The following BACE1 variants were observed in gnomAD, a reference collection of about 807,000 sequenced individuals.
BACE1 encodes the protein beta-secretase 1, also known as APP beta-secretase.
A neutral mutation model predicts 54.0 loss-of-function variants in BACE1; 21 were observed. The ratio of observed to expected loss-of-function variants is 0.39; its 90% CI spans 0.28 to 0.56. BACE1 has a LOEUF of 0.56. BACE1 is among the 20% of genes least tolerant of loss of function. The pLI, the probability that BACE1 is intolerant of heterozygous loss-of-function variation, is 0.63. For missense variants in BACE1, 511 were observed against 661.2 expected (o/e 0.77, Z 2.49); for synonymous variants, 232 against 260.9 (o/e 0.89, Z 1.07).
intron 1 of BACE1, among the ~76,000 whole-genome samples, chr11:117,300,729 A>C (rs2034706720): frequency 6.8e-6 from 1 of 148,100 alleles, no homozygotes. Context: ...TGGGGAGTCA[A>C]GTCCCTCCTC....
chr11:117,293,861 A>T lies in BACE1; in HGVS notation c.705+10T>A. 1 of 1,609,348 alleles carries T rather than the reference A, an allele frequency of 6.2e-7. No individual in the cohort carries two copies. The highest frequency in any genetic ancestry group is 8.5e-7 in the Non-Finnish European group (1 of 1,178,174). On this transcript the variant is annotated intron_variant, in intron 4 of 8. Coordinates refer to ENST00000313005, the MANE Select transcript of BACE1 (RefSeq NM_012104.6). This position sits in a 1 kb window ranked among gnomAD's most constrained non-coding sequence, Gnocchi z 4.1. ...ATGCCAGGACCTCCCCTCTCTGAGGACCTACTCACCATGCTCCCTCCGACA... is the reference window on the plus strand; with the variant it reads ...ATGCCAGGACCTCCCCTCTCTGAGGTCCTACTCACCATGCTCCCTCCGACA...
rs563651141 is a variant in BACE1 at position 117,298,935 on chromosome 11, A to G, written c.262-1974T>C. On this transcript the variant is annotated intron_variant, in intron 1 of 8. Transcript: ENST00000313005. ...ATTCTCCTGTCTCAGTCTCCTGAGT[A>G]GCTGGGATTACAAGTGTGCGCTACC... Among the ~76,000 whole-genome samples the G allele has an allele frequency of 1.7e-4, 26 of 152,232 alleles. 2 individuals are homozygous for G. The highest frequency in any genetic ancestry group is 6.3e-4 in the African/African-American group (26 of 41,546).
intron 1 of BACE1, among the ~76,000 whole-genome samples, chr11:117,302,206 A>G (rs2034740469): frequency 1.3e-5 from 2 of 152,002 alleles, no homozygotes; most frequent in African/African-American, 4.8e-5. Flanking sequence ...GGTGGCAGGC[A>G]CCTGTAATCC....
At position 117,288,293 on chromosome 11, in the gene BACE1, T is replaced by A. The variant is rs2034316296; in HGVS notation, c.*1273A>T. 1 of 152,306 alleles carries A rather than the reference T, an allele frequency of 6.6e-6. No individual in the cohort carries two copies. Among genetic ancestry groups the A allele is most frequent in the Non-Finnish European group, 1.5e-5 (1 of 68,046 alleles). 9.4% of individuals were successfully genotyped at this position (152,306 alleles called of 1,614,324 possible). On this transcript the variant is annotated 3_prime_UTR_variant, in exon 9 of 9. Transcript: ENST00000313005. ...TCTCATACTCTTGGTATAATGCTAG[T>A]GCCACTGTGTGATGCTTTAGTCAAA...
At chr11:117,295,638 CCTGCTG>C (rs142572406) in intron 2 of BACE1, 3 of 1,526,870 alleles carry the variant, frequency 2.0e-6, no homozygotes, top group Admixed American at 2.0e-5. Context: ...GTGCATTGTG[CCTGCTG>C]CTGCTGCTGC....
chr11:117,293,741 G>T lies in BACE1; in HGVS notation c.705+130C>A. 1 of 924,690 alleles carries T rather than the reference G, an allele frequency of 1.1e-6. No individual in the cohort carries two copies. Among genetic ancestry groups the T allele is most frequent in the Non-Finnish European group, 1.5e-6 (1 of 649,940 alleles). 57.3% of individuals were successfully genotyped at this position (924,690 alleles called of 1,614,324 possible). On this transcript the variant is annotated intron_variant, in intron 4 of 8. Transcript: ENST00000313005. This position sits in a 1 kb window ranked among gnomAD's most constrained non-coding sequence, Gnocchi z 4.1. ...AATGGAAAAATAAAGTAAGGGTAGG[G>T]AATATAAAGAGGTTCCTCCTGATTC...
intron 8 of BACE1, 61 bp downstream of exon 8, chr11:117,290,427 G>A (rs1203256567): frequency 1.9e-6 from 3 of 1,578,748 alleles, no homozygotes; most frequent in Admixed American, 1.8e-5. Flanking sequence ...TATACTAACT[G>A]TTGTTTGACA....
At chr11:117,291,494 T>A (rs947736561) in intron 6 of BACE1, among the ~76,000 whole-genome samples, 2 of 152,092 alleles carry the variant, frequency 1.3e-5, no homozygotes, top group Non-Finnish European at 2.9e-5. Flanking sequence ...GTCAGGCTGG[T>A]CTTGAACTCC....
intron 8 of BACE1, 28 bp downstream of exon 8, chr11:117,290,460 C>A (rs1423407746): frequency 6.2e-7 from 1 of 1,609,942 alleles, no homozygotes; most frequent in Non-Finnish European, 8.5e-7. Context: ...AGAGACTGAC[C>A]CCAAACCCTC....
intron 1 of BACE1, among the ~76,000 whole-genome samples, chr11:117,306,053 T>A (rs921875870): frequency 2.6e-5 from 4 of 151,822 alleles, no homozygotes; most frequent in African/African-American, 7.3e-5. Flanking sequence ...AATAAATAAA[T>A]AAAAATAAAA....
chr11:117,288,533 A>C lies in BACE1; in HGVS notation c.*1033T>G, dbSNP rs963712843. ...TAGCACCTTGGCTGCAAAGCTCCAG[A>C]GGAAGATTTGGGGGAAAGAGTGAGC... is the stretch of plus-strand genomic sequence containing the variant. On this transcript the variant is annotated 3_prime_UTR_variant, in exon 9 of 9. Transcript: ENST00000313005. The C allele has an allele frequency of 2.4e-4, 37 of 152,650 alleles. No homozygotes were observed. Among genetic ancestry groups the C allele is most frequent in the African/African-American group, 8.0e-4 (33 of 41,440 alleles). 9.5% of individuals were successfully genotyped at this position (152,650 alleles called of 1,614,324 possible). A position where few individuals can be genotyped will look rare whatever the true frequency, so the allele number is the denominator to read the frequency against.
At chr11:117,300,798 C>G (rs549340710) in intron 1 of BACE1, among the ~76,000 whole-genome samples, 65 of 152,266 alleles carry the variant, frequency 4.3e-4, no homozygotes, top group African/African-American at 1.6e-3. Context: ...ACAGCCACCC[C>G]ACCCTGGCCC....
chr11:117,300,325 TGTCGACCC>T (rs1162188508), intron 1 of BACE1, among the ~76,000 whole-genome samples: 1 of 152,154 alleles, frequency 6.6e-6, no homozygotes, highest in Admixed American at 6.5e-5. Context: ...CCCGAGCAAA[TGTCGACCC>T]GTCTGCCCTC....
At chr11:117,313,315 G>C (rs1415809314) in intron 1 of BACE1, among the ~76,000 whole-genome samples, 2 of 152,228 alleles carry the variant, frequency 1.3e-5, no homozygotes, top group Non-Finnish European at 2.9e-5. Context: ...TTCTAGAAAG[G>C]AACGAGGAAG....
chr11:117,286,191 C>T lies in BACE1; in HGVS notation c.*3375G>A, dbSNP rs2034256112. The T allele has an allele frequency of 6.6e-6, 1 of 152,530 alleles. No homozygotes were observed. The highest frequency in any genetic ancestry group is 2.4e-5 in the African/African-American group (1 of 41,414). 9.4% of individuals were successfully genotyped at this position (152,530 alleles called of 1,614,324 possible). The stretch of plus-strand genomic sequence containing the variant: ...AAGAAAGTTAGGGGGGGACATATTT[C>T]CTGTCCTGGGAAAAATGGAGACCAA... On this transcript the variant is annotated 3_prime_UTR_variant, in exon 9 of 9. Transcript: ENST00000313005.
intron 1 of BACE1, among the ~76,000 whole-genome samples, chr11:117,308,462 A>G (rs922387526): frequency 3.0e-4 from 45 of 152,252 alleles, no homozygotes; most frequent in African/African-American, 1.1e-3. Flanking sequence ...TCTCAAAGGC[A>G]TGTCCCAGAT....
intron 1 of BACE1, among the ~76,000 whole-genome samples, chr11:117,300,406 G>A (rs1308782911): frequency 6.6e-6 from 1 of 152,196 alleles, no homozygotes; most frequent in East Asian, 1.9e-4. Context: ...TCGAATGGGA[G>A]CCCTGGCCAG....
intron 6 of BACE1, 40 bp from the exon 7 acceptor site, chr11:117,291,089 C>CT (rs1565356460): frequency 6.2e-7 from 1 of 1,603,956 alleles, no homozygotes. Flanking sequence ...GGAAAAGCCT[C>CT]TTTATCATCT....
intron 1 of BACE1, among the ~76,000 whole-genome samples, chr11:117,312,469 CT>C (rs374854581): frequency 3.0e-4 from 44 of 147,738 alleles, no homozygotes; most frequent in South Asian, 6.4e-4. Flanking sequence ...ATTCTCTTTT[CT>C]TTTTTTTTTT....
Sources: gnomAD v4.1 joint callset for allele counts (sites outside exome capture counted in the v4.1 genomes callset) on GRCh38, gnomAD v4.1.1 for gene constraint, Gnocchi (gnomAD v3.1) non-coding constraint, MANE v1.5 for transcripts, NCBI Gene and HGNC (gene_info 2026-07-23, HGNC 2026-07-21) for gene names.